Variants in SIRT5 observed in about 807,000 individuals in gnomAD.
The protein encoded by SIRT5 is sirtuin 5.
In SIRT5, 26 loss-of-function variants were observed where a neutral mutation model predicts 40.0. The observed-to-expected ratio is 0.65, with a 90% CI of 0.48 to 0.90. The LOEUF (loss-of-function observed/expected upper bound fraction) is 0.90, where lower values mean the gene tolerates loss of function less well. SIRT5 is among the 40% of genes least tolerant of loss of function. SIRT5 has a pLI of 0.00. For synonymous variants in SIRT5, 146 were observed against 149.1 expected (o/e 0.98, Z 0.15); for missense variants, 401 against 402.4 (o/e 1.00, Z 0.03).
intron 9 of SIRT5, among the ~76,000 whole-genome samples, chr6:13,608,607 GAGAA>G (rs1194983202): frequency 2.0e-5 from 3 of 151,160 alleles, no homozygotes; most frequent in South Asian, 4.2e-4. Flanking sequence ...AAAAGAGAGA[GAGAA>G]AGAAAATCTT....
intron 8 of SIRT5, among the ~76,000 whole-genome samples, chr6:13,600,467 C>T (rs1050651537): frequency 6.6e-6 from 1 of 151,892 alleles, no homozygotes; most frequent in African/African-American, 2.4e-5. Context: ...TTTTTTTCTT[C>T]GTATTTTCTA....
At chr6:13,583,034 T>G (rs1010584944) in intron 2 of SIRT5, among the ~76,000 whole-genome samples, 1 of 151,974 alleles carries the variant, frequency 6.6e-6, no homozygotes, top group Non-Finnish European at 1.5e-5. Flanking sequence ...GGTGAAACCC[T>G]GTCTCTACCA....
rs199691232 is a variant in SIRT5 at position 13,600,830 on chromosome 6, G to A, written c.742-4G>A. The A allele has an allele frequency of 3.1e-6, 5 of 1,609,212 alleles. No individual in the cohort carries two copies. Among genetic ancestry groups the A allele is most frequent in the East Asian group, 4.5e-5 (2 of 44,722 alleles). ...TTGTTCATCTCCGTGTACTTGCCTT[G>A]TAGGTGGGCACTTCCTCTGTGGTGT... is the stretch of plus-strand genomic sequence containing the variant. On this transcript the variant is annotated splice_region_variant and splice_polypyrimidine_tract_variant and intron_variant, in intron 8 of 9. Transcript: ENST00000606117.
At position 13,607,109 on chromosome 6, in the gene SIRT5, C is replaced by T. The variant is rs969284480; in HGVS notation, c.858-4681C>T. ...TGTTCCCCAAATACCCCTGAAGATA[C>T]GAATGACTCCAGCCCTTATTTTATA... On this transcript the variant is annotated intron_variant, in intron 9 of 9. Transcript: ENST00000606117. This position sits in a 1 kb window ranked among gnomAD's most constrained non-coding sequence, Gnocchi z 4.0. Among the ~76,000 whole-genome samples, 9 of 151,558 alleles carry T rather than the reference C, an allele frequency of 5.9e-5. No individual in the cohort carries two copies. The highest frequency in any genetic ancestry group is 7.4e-5 in the Non-Finnish European group (5 of 67,950).
At chr6:13,582,611 CAAAAA>C (rs756756300) in intron 2 of SIRT5, among the ~76,000 whole-genome samples, 2 of 122,086 alleles carry the variant, frequency 1.6e-5, no homozygotes, top group African/African-American at 3.1e-5. Context: ...TGCCTCCCAC[CAAAAA>C]AAAAAAAAAA....
intron 9 of SIRT5, among the ~76,000 whole-genome samples, chr6:13,608,308 A>G (rs1160752351): frequency 1.3e-5 from 2 of 152,238 alleles, no homozygotes; most frequent in African/African-American, 2.4e-5. Flanking sequence ...TTTACTGGCC[A>G]GGTACAATGG....
intron 1 of SIRT5, among the ~76,000 whole-genome samples, chr6:13,577,713 A>G (rs1422680612): frequency 6.7e-6 from 1 of 148,472 alleles, no homozygotes; most frequent in Non-Finnish European, 1.5e-5. Context: ...GATATTATAT[A>G]TCTATATTTT....
Position 13,610,806 on chromosome 6 carries a change from G to C in SIRT5, c.858-984G>C, listed in dbSNP as rs574624728. Among the ~76,000 whole-genome samples, 14 of 152,228 alleles carry C rather than the reference G, an allele frequency of 9.2e-5. No homozygotes were observed. In the South Asian group the frequency reaches 2.7e-3, roughly 29 times the overall value. On this transcript the variant is annotated intron_variant, in intron 9 of 9. Coordinates refer to ENST00000606117, the MANE Select transcript of SIRT5 (RefSeq NM_012241.5). The stretch of plus-strand genomic sequence containing the variant: ...CCGTGTAGTCTGGGCTGTCCATTAA[G>C]TGGCACTCTGTTGATAGAACAAAGC...
intron 2 of SIRT5, among the ~76,000 whole-genome samples, chr6:13,583,278 T>TC (rs1759601273): frequency 6.7e-6 from 1 of 150,106 alleles, no homozygotes; most frequent in African/African-American, 2.4e-5. Context: ...TTCTTTTTTT[T>TC]CTTCTTTGTT....
In SIRT5 at chr6:13,595,597, T is replaced by C. The variant is rs768709833; in HGVS notation, c.563+33T>C. 6 of 1,480,114 alleles carry C rather than the reference T, an allele frequency of 4.1e-6. No homozygotes were observed. The Admixed American group carries it at 5.0e-5, about 12-fold the overall frequency. 91.7% of individuals were successfully genotyped at this position (1,480,114 alleles called of 1,614,324 possible). ...TACCACACTACAGAATAAGTATAGG[T>C]TGTTTTCTCCTTTAGGTTGAACATA... On this transcript the variant is annotated intron_variant, in intron 6 of 9. Coordinates refer to ENST00000606117, the MANE Select transcript of SIRT5 (RefSeq NM_012241.5).
In SIRT5 at chr6:13,613,229, A is replaced by G. The variant is rs1764090090; in HGVS notation, c.*1364A>G. On this transcript the variant is annotated 3_prime_UTR_variant, in exon 10 of 10. Transcript: ENST00000606117. Reference sequence around the variant, plus strand: ...TTCTTAAGTTATTGCTGTCAGATGCATCTGCCATACAGGGTCATTCTCAGG... The same window carrying G: ...TTCTTAAGTTATTGCTGTCAGATGCGTCTGCCATACAGGGTCATTCTCAGG... The G allele has an allele frequency of 6.6e-6, 1 of 152,328 alleles. No individual in the cohort carries two copies. The highest frequency in any genetic ancestry group is 2.1e-4 in the South Asian group (1 of 4,832). The allele number at this position is 152,328 out of a possible 1,614,324, so 9.4% of individuals were successfully genotyped here.
chr6:13,590,943 TGTG>T (rs1285003402), intron 4 of SIRT5, among the ~76,000 whole-genome samples: 2 of 148,114 alleles, frequency 1.4e-5, no homozygotes, highest in African/African-American at 4.9e-5. Context: ...TGTGTGTAGT[TGTG>T]TGTGTTTAGT....
chr6:13,576,761 T>C (rs1170517561), intron 1 of SIRT5, among the ~76,000 whole-genome samples: 2 of 152,202 alleles, frequency 1.3e-5, no homozygotes, highest in African/African-American at 4.8e-5. Context: ...TATGTTATCT[T>C]CTATTAGTTT....
chr6:13,591,053 TTGTG>T (rs776809653), intron 4 of SIRT5, among the ~76,000 whole-genome samples: 1 of 151,688 alleles, frequency 6.6e-6, no homozygotes, highest in South Asian at 2.1e-4. Context: ...GTATATGTAG[TTGTG>T]TGTGTGTCTA....
chr6:13,597,057 C>T (rs1170861725), intron 7 of SIRT5, 41 bp downstream of exon 7: 14 of 1,479,032 alleles, frequency 9.5e-6, no homozygotes, highest in Non-Finnish European at 1.2e-5. Flanking sequence ...TTCCAGGTTA[C>T]CAAAACAAAA....
intron 4 of SIRT5, among the ~76,000 whole-genome samples, chr6:13,590,803 G>C (rs1477839529): frequency 6.6e-6 from 1 of 151,644 alleles, no homozygotes; most frequent in Non-Finnish European, 1.5e-5. Flanking sequence ...ATGTAGTTGT[G>C]TGTGTGTGTA....
intron 9 of SIRT5, chr6:13,604,571 A>G: frequency 6.3e-7 from 1 of 1,581,674 alleles, no homozygotes; most frequent in African/African-American, 1.4e-5. Context: ...AAAAAGAAGA[A>G]AATAAAACTG....
At chr6:13,604,431 G>C in intron 9 of SIRT5, 1 of 1,151,528 alleles carries the variant, frequency 8.7e-7, no homozygotes, top group South Asian at 1.3e-5. Flanking sequence ...AGCAGGACCT[G>C]AGCTATGTCC....
chr6:13,606,363 T>TG (rs1049116712), intron 9 of SIRT5, among the ~76,000 whole-genome samples: 4 of 152,132 alleles, frequency 2.6e-5, no homozygotes, highest in Non-Finnish European at 5.9e-5. Context: ...TACCTGCTGT[T>TG]GGAGTTTAGA....
Sources: allele counts gnomAD v4.1 joint callset (sites outside exome capture counted in the v4.1 genomes callset), GRCh38; gene constraint gnomAD v4.1.1; non-coding constraint Gnocchi (gnomAD v3.1); transcripts MANE v1.5; gene names NCBI Gene and HGNC (gene_info 2026-07-23, HGNC 2026-07-21).